COG5: variants seen among roughly 807,000 people sequenced by gnomAD.
COG5 encodes conserved oligomeric Golgi complex subunit 5.
COG5 carries 86 observed loss-of-function variants against 110.4 expected under a neutral mutation model. That is an observed-to-expected ratio of 0.78 (90% CI 0.65 to 0.93). COG5 has a LOEUF of 0.93. Ranked by LOEUF, COG5 falls within the 40% of genes least tolerant of loss-of-function variation. The pLI, the probability that COG5 is intolerant of heterozygous loss-of-function variation, is 0.00. For missense variants in COG5, 1,077 were observed against 987.0 expected (o/e 1.09, Z -1.22); for synonymous variants, 360 against 334.6 (o/e 1.08, Z -0.83).
chr7:107,557,953 G>C, intron 2 of COG5, 23 bp downstream of exon 2: 1 of 1,613,412 alleles, frequency 6.2e-7, no homozygotes, highest in Non-Finnish European at 8.5e-7. Context: ...ATAATCCATA[G>C]GGACCCAGAA....
chr7:107,437,650 T>C (rs541913413), intron 6 of COG5, among the ~76,000 whole-genome samples: 8 of 152,296 alleles, frequency 5.3e-5, no homozygotes, highest in African/African-American at 1.9e-4. Flanking sequence ...ATTTCACATG[T>C]CTATTTTTAA....
chr7:107,339,028 A>G (rs1810951511), intron 10 of COG5, among the ~76,000 whole-genome samples: 1 of 152,184 alleles, frequency 6.6e-6, no homozygotes, highest in Non-Finnish European at 1.5e-5. Flanking sequence ...AGCTATCAAT[A>G]TAAACCTTGA....
intron 10 of COG5, among the ~76,000 whole-genome samples, chr7:107,335,667 GAC>G (rs1810640654): frequency 6.6e-6 from 1 of 152,112 alleles, no homozygotes; most frequent in South Asian, 2.1e-4. Context: ...TATAATAAAA[GAC>G]ACAGAGTAGC....
rs992963111 is a variant in COG5 at position 107,215,908 on chromosome 7, A to G, written c.2169-4683T>C. 3.3e-5 allele frequency among the ~76,000 whole-genome samples: 5 copies of G among 151,938 alleles called. No homozygotes were observed. The South Asian group carries it at 1.0e-3, about 32-fold the overall frequency. On this transcript the variant is annotated intron_variant, in intron 19 of 21. Coordinates refer to ENST00000297135, the MANE Select transcript of COG5 (RefSeq NM_006348.5). ...ATATTTTTAGTAGAGATGGGGTTTCACCGTGTTAGCCAGGATGGTCTCGAT... is the reference window on the plus strand; with the variant it reads ...ATATTTTTAGTAGAGATGGGGTTTCGCCGTGTTAGCCAGGATGGTCTCGAT...
intron 14 of COG5, among the ~76,000 whole-genome samples, chr7:107,268,298 A>C (rs1562942042): frequency 6.6e-6 from 1 of 152,198 alleles, no homozygotes; most frequent in Non-Finnish European, 1.5e-5. Flanking sequence ...GTCCAACAAT[A>C]ATATTCAGTT....
At chr7:107,398,579 C>A (rs1037683486) in intron 7 of COG5, among the ~76,000 whole-genome samples, 1 of 152,332 alleles carries the variant, frequency 6.6e-6, no homozygotes, top group African/African-American at 2.4e-5. Context: ...TCTGCCCCCA[C>A]ATGTGTGGAA....
intron 1 of COG5, among the ~76,000 whole-genome samples, chr7:107,563,298 A>AG (rs1302161650): frequency 6.6e-6 from 1 of 151,130 alleles, no homozygotes; most frequent in Non-Finnish European, 1.5e-5. Context: ...CTCATAAAGG[A>AG]GGAAAAAAAA....
chr7:107,501,402 G>A (rs1584901246), intron 6 of COG5, among the ~76,000 whole-genome samples: 1 of 151,974 alleles, frequency 6.6e-6, no homozygotes, highest in African/African-American at 2.4e-5. Context: ...TCCAGCAAGG[G>A]GTGATAGCAA....
At chr7:107,460,973 A>C (rs896576909) in intron 6 of COG5, among the ~76,000 whole-genome samples, 2 of 152,108 alleles carry the variant, frequency 1.3e-5, no homozygotes, top group African/African-American at 4.8e-5. Flanking sequence ...GAACAACATA[A>C]AACTTCTTGG....
At chr7:107,546,438 T>TG (rs1406763071) in intron 5 of COG5, among the ~76,000 whole-genome samples, 3 of 145,768 alleles carry the variant, frequency 2.1e-5, no homozygotes, top group Admixed American at 6.8e-5. Flanking sequence ...GTTTTTTGTT[T>TG]TTTTTTTTTT....
At chr7:107,525,257 A>G (rs1345635788) in intron 6 of COG5, among the ~76,000 whole-genome samples, 1 of 151,472 alleles carries the variant, frequency 6.6e-6, no homozygotes, top group African/African-American at 2.4e-5. Flanking sequence ...TTTCGAAGAC[A>G]TGACCATTTG....
chr7:107,489,786 T>C (rs1381484256), intron 6 of COG5, among the ~76,000 whole-genome samples: 2 of 152,122 alleles, frequency 1.3e-5, no homozygotes, highest in Non-Finnish European at 2.9e-5. Context: ...CAGCAAATAA[T>C]TGCCCAAGAG....
chr7:107,291,361 C>T (rs942942121), intron 12 of COG5, among the ~76,000 whole-genome samples: 2 of 152,158 alleles, frequency 1.3e-5, no homozygotes, highest in African/African-American at 4.8e-5. Flanking sequence ...AAGGCATGAG[C>T]CACCACAACC....
At chr7:107,548,432 C>CT in intron 3 of COG5, 100 bp from the exon 4 acceptor site, 1 of 1,146,422 alleles carries the variant, frequency 8.7e-7, no homozygotes, top group African/African-American at 1.5e-5. Context: ...ATAATTTTAA[C>CT]TTTTTTTGTC....
intron 3 of COG5, among the ~76,000 whole-genome samples, chr7:107,549,841 C>T (rs1257625644): frequency 6.6e-6 from 1 of 152,152 alleles, no homozygotes; most frequent in Non-Finnish European, 1.5e-5. Flanking sequence ...TCTCCATCTA[C>T]AATCTTTCAG....
At chr7:107,542,268 T>C (rs892499211) in intron 5 of COG5, among the ~76,000 whole-genome samples, 8 of 152,116 alleles carry the variant, frequency 5.3e-5, no homozygotes, top group Admixed American at 4.6e-4. Flanking sequence ...ATAGATGACT[T>C]ACAAGAGGTT....
chr7:107,520,820 A>G (rs1218954515), intron 6 of COG5, among the ~76,000 whole-genome samples: 1 of 152,232 alleles, frequency 6.6e-6, no homozygotes, highest in Non-Finnish European at 1.5e-5. Flanking sequence ...GAACCAAAAA[A>G]GAGCTCATAT....
At chr7:107,388,003 G>A (rs199753257) in intron 7 of COG5, among the ~76,000 whole-genome samples, 1 of 152,320 alleles carries the variant, frequency 6.6e-6, no homozygotes, top group Admixed American at 6.5e-5. Flanking sequence ...ATTGGCTTAT[G>A]GTAATAATCA....
intron 6 of COG5, among the ~76,000 whole-genome samples, chr7:107,488,678 C>A (rs116175044): frequency 0.018 from 2,730 of 151,990 alleles, 83 homozygotes; most frequent in African/African-American, 0.061. Flanking sequence ...AACCCCATCC[C>A]TCCACAAAAA....
Sources: allele counts gnomAD v4.1 joint callset (sites outside exome capture counted in the v4.1 genomes callset), GRCh38; gene constraint gnomAD v4.1.1; transcripts MANE v1.5; gene names NCBI Gene and HGNC (gene_info 2026-07-23, HGNC 2026-07-21).